OTOGL: variants seen among roughly 807,000 people sequenced by gnomAD.
OTOGL encodes the protein otogelin-like protein.
A neutral mutation model predicts 318.5 loss-of-function variants in OTOGL; 285 were observed. The ratio of observed to expected loss-of-function variants is 0.89; its 90% CI spans 0.81 to 0.99. OTOGL has a LOEUF of 0.99. Among genes scored for constraint, OTOGL ranks in the 50% least tolerant of loss-of-function variants. OTOGL has a pLI of 0.00. For synonymous variants in OTOGL, 987 were observed against 936.5 expected, an observed-to-expected ratio of 1.05 and a Z score of -0.99; for missense variants, 2,899 against 2,845.6, an observed-to-expected ratio of 1.02 and a Z score of -0.43.
chr12:80,365,451 T>G (rs1156669527), intron 52 of OTOGL, among the ~76,000 whole-genome samples: 2 of 152,074 alleles, frequency 1.3e-5, no homozygotes, highest in East Asian at 3.9e-4. Context: ...AAGAGAAGGA[T>G]AGAAGATTTA....
intron 11 of OTOGL, among the ~76,000 whole-genome samples, chr12:80,242,253 C>G (rs1389926798): frequency 6.6e-6 from 1 of 152,130 alleles, no homozygotes; most frequent in Non-Finnish European, 1.5e-5. Context: ...ACTTTTGAAA[C>G]TTTGATGCTT....
intron 29 of OTOGL, among the ~76,000 whole-genome samples, chr12:80,308,041 G>A (rs1393310841): frequency 7.0e-6 from 1 of 142,182 alleles, no homozygotes; most frequent in East Asian, 2.1e-4. Flanking sequence ...CTGGCCGCGC[G>A]GGGGGCTGAT....
At chr12:80,201,068 C>T (rs986613174) in intron 1 of OTOGL, among the ~76,000 whole-genome samples, 1 of 152,182 alleles carries the variant, frequency 6.6e-6, no homozygotes, top group African/African-American at 2.4e-5. Flanking sequence ...CCTGTGGCAC[C>T]TCCCATCTGT....
chr12:80,252,581 A>G (rs938978344), intron 13 of OTOGL, among the ~76,000 whole-genome samples: 2 of 152,182 alleles, frequency 1.3e-5, no homozygotes, highest in African/African-American at 4.8e-5. Flanking sequence ...TTAATATTTG[A>G]AATTAAAAGT....
At chr12:80,328,841 A>G in intron 36 of OTOGL, 97 bp downstream of exon 36, 3 of 1,186,426 alleles carry the variant, frequency 2.5e-6, no homozygotes, top group Middle Eastern at 1.9e-4. Flanking sequence ...TTAAACAGAC[A>G]ATCAACTCTC....
intron 43 of OTOGL, among the ~76,000 whole-genome samples, chr12:80,341,020 T>C (rs1204760869): frequency 6.6e-6 from 1 of 151,572 alleles, no homozygotes; most frequent in Admixed American, 6.6e-5. Flanking sequence ...TTATTCATCC[T>C]GATATATCTC....
At chr12:80,256,201 T>C (rs1355944497) in intron 16 of OTOGL, 136 bp from the exon 17 acceptor site, 25 of 1,052,932 alleles carry the variant, frequency 2.4e-5, no homozygotes, top group Non-Finnish European at 3.3e-5. Context: ...TTCTAATTTA[T>C]ATGCACTCTC....
intron 1 of OTOGL, among the ~76,000 whole-genome samples, chr12:80,208,721 T>C (rs1877005087): frequency 6.6e-6 from 1 of 152,184 alleles, no homozygotes; most frequent in Admixed American, 6.5e-5. Context: ...AGGGAAAGTT[T>C]TCAGGGCTGG....
At chr12:80,117,080 G>T (rs1013928415) in intron 1 of OTOGL, among the ~76,000 whole-genome samples, 7 of 152,222 alleles carry the variant, frequency 4.6e-5, no homozygotes, top group Admixed American at 1.3e-4. Context: ...TATGGAGTTG[G>T]TCATCAAAGT....
intron 52 of OTOGL, among the ~76,000 whole-genome samples, chr12:80,360,344 C>A (rs945684945): frequency 6.6e-6 from 1 of 150,432 alleles, no homozygotes; most frequent in Non-Finnish European, 1.5e-5. Flanking sequence ...TTGTTTCTCT[C>A]ACTCCCTCTC....
intron 52 of OTOGL, among the ~76,000 whole-genome samples, chr12:80,365,660 G>A (rs187481498): frequency 2.4e-4 from 36 of 152,132 alleles, no homozygotes; most frequent in Non-Finnish European, 4.9e-4. Flanking sequence ...CATTGGAATT[G>A]TCTAATGACT....
In OTOGL at chr12:80,353,515, GAC is replaced by G; in HGVS notation, c.5593+9_5593+10del. 6.6e-7 allele frequency: 1 copy of G among 1,525,994 alleles called. No homozygotes were observed. Among genetic ancestry groups the G allele is most frequent in the Admixed American group, 2.0e-5 (1 of 49,146 alleles). The allele number at this position is 1,525,994 out of a possible 1,614,324, so 94.5% of individuals were successfully genotyped here. On this transcript the variant is annotated splice_donor_region_variant and intron_variant, in intron 46 of 58. Coordinates refer to ENST00000547103, the MANE Select transcript of OTOGL (RefSeq NM_001378609.3). Reference sequence around the variant, plus strand: ...GCATTCCAGAGAAAGAGTGTGGTAAGACACAAAGTACAAAATGACTTCTCAGG... The same window carrying G: ...GCATTCCAGAGAAAGAGTGTGGTAAGACAAAGTACAAAATGACTTCTCAGG...
At chr12:80,297,194 T>C (rs1885461482) in intron 27 of OTOGL, among the ~76,000 whole-genome samples, 1 of 152,060 alleles carries the variant, frequency 6.6e-6, no homozygotes, top group African/African-American at 2.4e-5. Flanking sequence ...TAGTTGCCAT[T>C]TGGGCCCTTG....
intron 52 of OTOGL, among the ~76,000 whole-genome samples, chr12:80,363,046 G>A (rs1566016262): frequency 6.6e-6 from 1 of 152,218 alleles, no homozygotes; most frequent in East Asian, 1.9e-4. Context: ...TGAACTCCTA[G>A]GCTCAAGTGA....
In OTOGL at chr12:80,256,354, C is replaced by T; in HGVS notation, c.1605C>T (p.Cys535=). The stretch of plus-strand genomic sequence containing the variant: ...TTACGCAGAATCTTGGCTTGGTCTG[C>T]CTTCAGTCTATAACTCTGATTCTGG... The part of the protein sequence containing the change: ...APCEQNLGLV[C]LQSITLILED... Residue 535 remains cysteine (C), a synonymous_variant, in exon 17 of 59, where the codon TGC becomes TGT. Transcript: ENST00000547103. 1 of 1,595,900 alleles carries T rather than the reference C, an allele frequency of 6.3e-7. No individual in the cohort carries two copies. Among genetic ancestry groups the T allele is most frequent in the Non-Finnish European group, 8.5e-7 (1 of 1,177,352 alleles).
At chr12:80,157,922 T>C (rs1277983050) in intron 1 of OTOGL, among the ~76,000 whole-genome samples, 1 of 152,154 alleles carries the variant, frequency 6.6e-6, no homozygotes, top group East Asian at 1.9e-4. Context: ...ATTCCTGAAG[T>C]GGTTTCTACT....
Position 80,378,263 on chromosome 12 carries a change from C to T in OTOGL, c.*215C>T. 2 of 447,992 alleles carry T rather than the reference C, an allele frequency of 4.5e-6. No individual in the cohort carries two copies. The highest frequency in any genetic ancestry group is 7.9e-6 in the Non-Finnish European group (2 of 253,212). 27.8% of individuals were successfully genotyped at this position (447,992 alleles called of 1,614,324 possible). ...TACTCTATTTTAGAAAATCAAATGA[C>T]TGTAAGTTGTTCAGCTGAAATGCTG... On this transcript the variant is annotated 3_prime_UTR_variant, in exon 59 of 59. Coordinates refer to ENST00000547103, the MANE Select transcript of OTOGL (RefSeq NM_001378609.3).
intron 24 of OTOGL, among the ~76,000 whole-genome samples, chr12:80,274,349 T>G (rs764852969): frequency 2.0e-5 from 3 of 152,062 alleles, no homozygotes; most frequent in Non-Finnish European, 2.9e-5. Flanking sequence ...TTTAGTAGTC[T>G]GGATAGATCA....
intron 29 of OTOGL, among the ~76,000 whole-genome samples, chr12:80,308,108 C>T (rs1261809028): frequency 6.7e-6 from 1 of 148,252 alleles, no homozygotes; most frequent in African/African-American, 2.5e-5. Flanking sequence ...GACCCCCCCA[C>T]CTCCCTCCCG....
Sources: gnomAD v4.1 joint callset for allele counts (sites outside exome capture counted in the v4.1 genomes callset) on GRCh38, gnomAD v4.1.1 for gene constraint, MANE v1.5 for transcripts, NCBI Gene and HGNC (gene_info 2026-07-23, HGNC 2026-07-21) for gene names.